The following OLFM2 variants were observed in gnomAD, a reference collection of about 807,000 sequenced individuals.
The protein encoded by OLFM2 is noelin-2.
OLFM2 carries 20 observed loss-of-function variants against 43.9 expected under a neutral mutation model. The ratio of observed to expected loss-of-function variants is 0.46; its 90% confidence interval spans 0.32 to 0.66. The LOEUF is 0.66. Ranked by LOEUF, OLFM2 falls within the 30% of genes least tolerant of loss-of-function variation. The pLI, the probability that OLFM2 is intolerant of heterozygous loss-of-function variation, is 0.04. For synonymous variants in OLFM2, 268 were observed against 278.6 expected (o/e 0.96, Z 0.38); for missense variants, 416 against 643.6 (o/e 0.65, Z 3.83).
At chr19:9,902,154 G>A (rs147950657) in intron 1 of OLFM2, among the ~76,000 whole-genome samples, 4,514 of 151,118 alleles carry the variant, frequency 0.03, 102 homozygotes, top group Non-Finnish European at 0.045. Context: ...TCAGCCTCCC[G>A]AGTAGCTGGG....
chr19:9,869,604 G>A (rs1038990482), intron 1 of OLFM2, among the ~76,000 whole-genome samples: 8 of 152,092 alleles, frequency 5.3e-5, no homozygotes, highest in African/African-American at 1.9e-4. Flanking sequence ...CTACACAAGT[G>A]TCTGCTAATA....
chr19:9,876,481 G>A (rs1005178132), intron 1 of OLFM2, among the ~76,000 whole-genome samples: 1 of 152,164 alleles, frequency 6.6e-6, no homozygotes, highest in Non-Finnish European at 1.5e-5. Context: ...CAGGACTCCT[G>A]AAAACCCACC....
At chr19:9,882,318 C>CACTTGGCCTCA in intron 1 of OLFM2, among the ~76,000 whole-genome samples, 1 of 150,534 alleles carries the variant, frequency 6.6e-6, no homozygotes, top group Middle Eastern at 3.5e-3. Context: ...GTGGGTGGAT[C>CACTTGGCCTCA]GTGAGGTCAG....
At chr19:9,872,546 G>A (rs942521868) in intron 1 of OLFM2, among the ~76,000 whole-genome samples, 21 of 151,314 alleles carry the variant, frequency 1.4e-4, no homozygotes, top group African/African-American at 4.4e-4. Flanking sequence ...TAGTTCACCC[G>A]CGCCATGCTG....
At chr19:9,872,231 G>T (rs991843412) in intron 1 of OLFM2, among the ~76,000 whole-genome samples, 3 of 152,124 alleles carry the variant, frequency 2.0e-5, no homozygotes, top group Admixed American at 2.0e-4. Flanking sequence ...GAAGATATCA[G>T]CCAGGCGCTG....
chr19:9,919,267 TG>T (rs2086404924), intron 1 of OLFM2, among the ~76,000 whole-genome samples: 1 of 150,684 alleles, frequency 6.6e-6, no homozygotes. Flanking sequence ...CCCAGGCTCA[TG>T]CCATTCTCCT....
chr19:9,892,407 T>C (rs1178701706), intron 1 of OLFM2, among the ~76,000 whole-genome samples: 1 of 152,086 alleles, frequency 6.6e-6, no homozygotes, highest in Non-Finnish European at 1.5e-5. Context: ...TAGGATGACC[T>C]GGCATTGGGA....
At chr19:9,870,139 C>G (rs2046431629) in intron 1 of OLFM2, among the ~76,000 whole-genome samples, 1 of 152,032 alleles carries the variant, frequency 6.6e-6, no homozygotes, top group Non-Finnish European at 1.5e-5. Context: ...TCACGGTTCA[C>G]TGCAGCCTCG....
intron 1 of OLFM2, among the ~76,000 whole-genome samples, chr19:9,863,991 G>T (rs1020862635): frequency 1.3e-5 from 2 of 152,226 alleles, no homozygotes; most frequent in Non-Finnish European, 2.9e-5. Flanking sequence ...CGCCTTCCTT[G>T]TACTCAGGTA....
At chr19:9,860,314 C>CA (rs555363300) in intron 2 of OLFM2, among the ~76,000 whole-genome samples, 4 of 151,664 alleles carry the variant, frequency 2.6e-5, no homozygotes, top group East Asian at 1.9e-4. Flanking sequence ...CCCGTCTCCA[C>CA]AAAAAATATA....
At position 9,870,468 on chromosome 19, in the gene OLFM2, C is replaced by A. The variant is rs565993864; in HGVS notation, c.64-9674G>T. 2.6e-5 allele frequency among the ~76,000 whole-genome samples: 4 copies of A among 152,328 alleles called. No individual in the cohort carries two copies. The East Asian group carries it at 7.7e-4, about 29-fold the overall frequency. On this transcript the variant is annotated intron_variant, in intron 1 of 5. Transcript: ENST00000264833. ...CAGCTGGCTTCCTTTTCCAGAATAT[C>A]TCCTTGCTATAACCTGGCAGCAGGG...
At chr19:9,875,235 G>A (rs1029034120) in intron 1 of OLFM2, among the ~76,000 whole-genome samples, 3 of 152,214 alleles carry the variant, frequency 2.0e-5, no homozygotes, top group Non-Finnish European at 4.4e-5. Context: ...ATTTGCATCA[G>A]TCTCATTTTT....
At chr19:9,906,156 C>T (rs1043507409) in intron 1 of OLFM2, among the ~76,000 whole-genome samples, 1 of 152,158 alleles carries the variant, frequency 6.6e-6, no homozygotes, top group Non-Finnish European at 1.5e-5. Context: ...AGTCTACACG[C>T]CCATGGCCAC....
intron 1 of OLFM2, among the ~76,000 whole-genome samples, chr19:9,863,923 C>G (rs2046382238): frequency 6.6e-6 from 1 of 152,276 alleles, no homozygotes; most frequent in Admixed American, 6.5e-5. Flanking sequence ...GGGGAACCCC[C>G]TCTTTGTAAG....
At chr19:9,927,141 G>A (rs2086458408) in intron 1 of OLFM2, among the ~76,000 whole-genome samples, 1 of 152,050 alleles carries the variant, frequency 6.6e-6, no homozygotes, top group South Asian at 2.1e-4. Flanking sequence ...AATTAGCCAG[G>A]CGTGGTAGCA....
At chr19:9,897,119 A>G (rs1165329349) in intron 1 of OLFM2, among the ~76,000 whole-genome samples, 1 of 152,172 alleles carries the variant, frequency 6.6e-6, no homozygotes. Context: ...ACCTGAGGTC[A>G]GGAGTTCAAG....
chr19:9,860,322 A>G (rs982894675), intron 2 of OLFM2, among the ~76,000 whole-genome samples: 21 of 151,908 alleles, frequency 1.4e-4, no homozygotes, highest in Admixed American at 1.2e-3. Flanking sequence ...CACAAAAAAT[A>G]TAAAAATTAG....
intron 1 of OLFM2, among the ~76,000 whole-genome samples, chr19:9,912,506 G>A (rs1297339105): frequency 6.6e-6 from 1 of 152,158 alleles, no homozygotes; most frequent in East Asian, 1.9e-4. Flanking sequence ...CAAACAGATG[G>A]AACAGGGGTG....
chr19:9,915,064 T>G (rs2046864043), intron 1 of OLFM2, among the ~76,000 whole-genome samples: 2 of 152,150 alleles, frequency 1.3e-5, no homozygotes, highest in South Asian at 4.1e-4. Context: ...ACTGTTCCTC[T>G]CTGCCTCAGT....
Sources: allele counts gnomAD v4.1 joint callset (sites outside exome capture counted in the v4.1 genomes callset), GRCh38; gene constraint gnomAD v4.1.1; transcripts MANE v1.5; gene names NCBI Gene and HGNC (gene_info 2026-07-23, HGNC 2026-07-21).